TGFBR3: variants seen among roughly 807,000 people sequenced by gnomAD.
TGFBR3 encodes transforming growth factor beta receptor 3.
Under a neutral mutation model 87.9 loss-of-function variants are expected in TGFBR3, and 46 were observed. The observed-to-expected ratio is 0.52, with a 90% CI of 0.41 to 0.67. The LOEUF (loss-of-function observed/expected upper bound fraction) is 0.67. TGFBR3 is among the 30% of genes least tolerant of loss of function. The pLI, the probability that TGFBR3 is intolerant of heterozygous loss-of-function variation, is 0.00. For missense variants in TGFBR3, 866 were observed against 1,041.9 expected (o/e 0.83, Z 2.32); for synonymous variants, 381 against 391.6 (o/e 0.97, Z 0.32).
intron 1 of TGFBR3, among the ~76,000 whole-genome samples, chr1:91,873,022 G>A (rs1183787705): frequency 6.6e-6 from 1 of 152,024 alleles, no homozygotes; most frequent in Non-Finnish European, 1.5e-5. Context: ...GGTGTGCAGT[G>A]GCATGATCAT....
chr1:91,892,026 G>C (rs939280075), intron 2 of TGFBR3, among the ~76,000 whole-genome samples: 1 of 152,102 alleles, frequency 6.6e-6, no homozygotes, highest in Admixed American at 6.5e-5. Context: ...TTCAGATCTG[G>C]GGAATTCCAC....
Position 91,681,540 on chromosome 1 carries a change from C to A in TGFBR3, c.*2199G>T, listed in dbSNP as rs1171639813. The A allele has an allele frequency of 5.4e-6, 2 of 369,034 alleles. No homozygotes were observed. The highest frequency in any genetic ancestry group is 1.0e-5 in the Non-Finnish European group (2 of 194,510). The allele number at this position is 369,034 out of a possible 1,614,324, so 22.9% of individuals were successfully genotyped here. On this transcript the variant is annotated 3_prime_UTR_variant, in exon 17 of 17. Coordinates refer to ENST00000212355, the MANE Select transcript of TGFBR3 (RefSeq NM_003243.5). ...TATTACAGAAGGTTTTAACCCTGTC[C>A]TTCTAAGACATCAATCTTTTAATAT...
intron 4 of TGFBR3, among the ~76,000 whole-genome samples, chr1:91,739,387 A>G (rs1403282275): frequency 6.6e-6 from 1 of 152,158 alleles, no homozygotes; most frequent in Non-Finnish European, 1.5e-5. Flanking sequence ...AATTCTCCCA[A>G]AATAAATGCA....
intron 2 of TGFBR3, among the ~76,000 whole-genome samples, chr1:91,898,586 G>A (rs1036420699): frequency 3.3e-5 from 5 of 151,998 alleles, no homozygotes; most frequent in African/African-American, 9.7e-5. Context: ...ACAGGCGCCC[G>A]CCACCACGCC....
At chr1:91,769,456 T>C (rs1224561325) in intron 3 of TGFBR3, among the ~76,000 whole-genome samples, 2 of 152,128 alleles carry the variant, frequency 1.3e-5, no homozygotes, top group Admixed American at 1.3e-4. Context: ...CCTTCCCCTT[T>C]GCCCCCACTC....
chr1:91,887,157 A>G (rs948797013), upstream of TGFBR3, among the ~76,000 whole-genome samples: 6 of 151,288 alleles, frequency 4.0e-5, no homozygotes, highest in African/African-American at 1.5e-4. Context: ...CTAACGGCTA[A>G]TACCCGTCAA....
chr1:91,801,521 G>T (rs890282209), intron 2 of TGFBR3, among the ~76,000 whole-genome samples: 1 of 151,890 alleles, frequency 6.6e-6, no homozygotes, highest in Non-Finnish European at 1.5e-5. Context: ...TAAAAAAGTG[G>T]TCATAGATTT....
chr1:91,742,906 A>G (rs1278690682), intron 4 of TGFBR3, among the ~76,000 whole-genome samples: 1 of 152,202 alleles, frequency 6.6e-6, no homozygotes, highest in Non-Finnish European at 1.5e-5. Flanking sequence ...GAGTTTTATT[A>G]TAAGAACTTA....
At position 91,682,805 on chromosome 1, in the gene TGFBR3, G is replaced by T. The variant is rs1371830768; in HGVS notation, c.*934C>A. On this transcript the variant is annotated 3_prime_UTR_variant, in exon 17 of 17. Transcript: ENST00000212355. ...TTTTCAAATTTTCTCTTCTTCAACT[G>T]AGAAAATGAATGTGCCAGGTGACAT... The T allele has an allele frequency of 4.4e-6, 2 of 453,718 alleles. No individual in the cohort carries two copies. The highest frequency in any genetic ancestry group is 8.8e-6 in the Non-Finnish European group (2 of 226,692). 28.1% of individuals were successfully genotyped at this position (453,718 alleles called of 1,614,324 possible).
intron 1 of TGFBR3, among the ~76,000 whole-genome samples, chr1:91,872,093 A>G (rs1490495429): frequency 6.6e-6 from 1 of 152,214 alleles, no homozygotes; most frequent in Non-Finnish European, 1.5e-5. Context: ...CAGGCTTTGT[A>G]CATGGCCAAT....
intron 2 of TGFBR3, among the ~76,000 whole-genome samples, chr1:91,800,677 T>C (rs111468963): frequency 0.017 from 2,616 of 151,810 alleles, 45 homozygotes; most frequent in Middle Eastern, 0.034. Context: ...CAACATATGA[T>C]TAAACTATCC....
rs17884846 is a variant in TGFBR3 at position 91,721,587 on chromosome 1, G to A, written c.1075+368C>T. 7.9e-5 allele frequency among the ~76,000 whole-genome samples: 12 copies of A among 152,246 alleles called. No individual in the cohort carries two copies. The East Asian group carries it at 1.7e-3, about 22-fold the overall frequency. ...TATGAACACTCAAGTATGAGTCCTC[G>A]TGACTATTTTCCTAAAAGATACAGC... On this transcript the variant is annotated intron_variant, in intron 8 of 16. Coordinates refer to ENST00000212355, the MANE Select transcript of TGFBR3 (RefSeq NM_003243.5).
At chr1:91,725,842 G>C (rs1334633492) in intron 7 of TGFBR3, among the ~76,000 whole-genome samples, 1 of 152,160 alleles carries the variant, frequency 6.6e-6, no homozygotes, top group East Asian at 1.9e-4. Context: ...GGAAATACTA[G>C]AAACAAGGTT....
At chr1:91,740,025 C>T (rs909684389) in intron 4 of TGFBR3, among the ~76,000 whole-genome samples, 1 of 152,162 alleles carries the variant, frequency 6.6e-6, no homozygotes, top group African/African-American at 2.4e-5. Context: ...CTACCAGGCC[C>T]CACTTCCAAC....
intron 3 of TGFBR3, chr1:91,770,991 T>C (rs1160009613): frequency 6.6e-6 from 1 of 152,198 alleles, no homozygotes; most frequent in Non-Finnish European, 1.5e-5. Flanking sequence ...CAAAATTTAT[T>C]GTTCCATAGG....
chr1:91,895,175 C>G (rs1164617725), intron 2 of TGFBR3, among the ~76,000 whole-genome samples: 6 of 152,112 alleles, frequency 3.9e-5, no homozygotes. Flanking sequence ...GGAAGTGGAG[C>G]CTAGTGGGAG....
At chr1:91,724,672 G>A (rs2100795251) in intron 7 of TGFBR3, among the ~76,000 whole-genome samples, 1 of 152,290 alleles carries the variant, frequency 6.6e-6, no homozygotes, top group South Asian at 2.1e-4. Context: ...TTGGTTCCCA[G>A]CTTTGAGCAA....
intron 4 of TGFBR3, among the ~76,000 whole-genome samples, chr1:91,744,109 G>A (rs1015239040): frequency 6.4e-5 from 9 of 140,684 alleles, no homozygotes; most frequent in African/African-American, 2.1e-4. Flanking sequence ...TTTTTGAGAC[G>A]GAGTTTCGCT....
At chr1:91,735,617 T>G (rs1672942565) in intron 4 of TGFBR3, among the ~76,000 whole-genome samples, 1 of 152,230 alleles carries the variant, frequency 6.6e-6, no homozygotes, top group South Asian at 2.1e-4. Context: ...AAGAGGCTGT[T>G]AAACTGATCT....
Sources: allele counts gnomAD v4.1 joint callset (sites outside exome capture counted in the v4.1 genomes callset), GRCh38; gene constraint gnomAD v4.1.1; transcripts MANE v1.5; gene names NCBI Gene and HGNC (gene_info 2026-07-23, HGNC 2026-07-21).